Variants in FANCL observed in about 807,000 individuals in gnomAD.
FANCL encodes FA complementation group L, also known as E3 ubiquitin-protein ligase FANCL.
FANCL carries 69 observed loss-of-function variants against 59.4 expected under a neutral mutation model. The ratio of observed to expected loss-of-function variants is 1.16; its 90% CI spans 0.96 to 1.42. The LOEUF (loss-of-function observed/expected upper bound fraction) is 1.42. FANCL is among the 40% of genes most tolerant of loss of function. The pLI is 0.00. For synonymous variants in FANCL, 180 were observed against 147.1 expected (o/e 1.22, Z -1.62); for missense variants, 519 against 447.2 (o/e 1.16, Z -1.45).
chr2:58,240,656 T>A (rs1028741532), intron 1 of FANCL, among the ~76,000 whole-genome samples: 1 of 152,228 alleles, frequency 6.6e-6, no homozygotes, highest in African/African-American at 2.4e-5. Flanking sequence ...AAACTCCATA[T>A]GAGAGGCCAC....
At chr2:58,169,753 G>C (rs971951974) in intron 7 of FANCL, among the ~76,000 whole-genome samples, 1 of 151,904 alleles carries the variant, frequency 6.6e-6, no homozygotes, top group African/African-American at 2.4e-5. Flanking sequence ...ACTTTGTGAA[G>C]CATACACAAG....
intron 5 of FANCL, among the ~76,000 whole-genome samples, chr2:58,205,418 T>C (rs967874041): frequency 5.9e-5 from 9 of 152,094 alleles, no homozygotes; most frequent in African/African-American, 2.2e-4. Flanking sequence ...ATATTTTCTT[T>C]CAGCTATATC....
Position 58,232,115 on chromosome 2 carries a change from G to A in FANCL, c.97-3C>T, listed in dbSNP as rs1170038195. 1.9e-6 allele frequency: 3 copies of A among 1,612,060 alleles called. No homozygotes were observed. Among genetic ancestry groups the A allele is most frequent in the Admixed American group, 1.7e-5 (1 of 59,992 alleles). On this transcript the variant is annotated splice_polypyrimidine_tract_variant and splice_region_variant and intron_variant, in intron 1 of 13. Coordinates refer to ENST00000233741, the MANE Select transcript of FANCL (RefSeq NM_018062.4). ...ATCCTAAGGTGGAAGTCTCTTCCCTGTGGAAAATATTGAAAAGGATCACTC... is the reference window on the plus strand; with the variant it reads ...ATCCTAAGGTGGAAGTCTCTTCCCTATGGAAAATATTGAAAAGGATCACTC...
At chr2:58,169,439 C>T (rs1328769216) in intron 7 of FANCL, among the ~76,000 whole-genome samples, 1 of 152,078 alleles carries the variant, frequency 6.6e-6, no homozygotes, top group Non-Finnish European at 1.5e-5. Flanking sequence ...AAATCCACGA[C>T]GATGAGGAAA....
At chr2:58,232,739 GAAGA>G (rs1310123545) in intron 1 of FANCL, among the ~76,000 whole-genome samples, 2 of 151,918 alleles carry the variant, frequency 1.3e-5, no homozygotes, top group African/African-American at 4.8e-5. Flanking sequence ...CTTTCTAAGA[GAAGA>G]AAGACCTCTG....
chr2:58,162,994 C>A (rs1307367904), intron 10 of FANCL, 35 bp downstream of exon 10: 4 of 1,612,010 alleles, frequency 2.5e-6, no homozygotes, highest in Non-Finnish European at 3.4e-6. Flanking sequence ...TGTAAAATCA[C>A]CAAAAAGTAA....
intron 5 of FANCL, among the ~76,000 whole-genome samples, chr2:58,211,920 G>C (rs376043580): frequency 6.6e-6 from 1 of 152,142 alleles, no homozygotes. Flanking sequence ...CTAGTCTCTA[G>C]GAAGTTCCAA....
intron 5 of FANCL, among the ~76,000 whole-genome samples, chr2:58,212,788 G>T (rs1573734319): frequency 6.6e-6 from 1 of 151,982 alleles, no homozygotes; most frequent in East Asian, 1.9e-4. Flanking sequence ...CCATCTTCAC[G>T]TTAACCTTTG....
intron 4 of FANCL, among the ~76,000 whole-genome samples, chr2:58,222,785 C>G (rs1044839846): frequency 6.6e-6 from 1 of 151,966 alleles, no homozygotes; most frequent in Non-Finnish European, 1.5e-5. Context: ...AAAAATAAAT[C>G]TATCTACAAA....
At chr2:58,237,918 C>T (rs1448532541) in intron 1 of FANCL, among the ~76,000 whole-genome samples, 1 of 152,142 alleles carries the variant, frequency 6.6e-6, no homozygotes, top group Non-Finnish European at 1.5e-5. Flanking sequence ...ATCATACACT[C>T]AGGAGAAGCT....
intron 5 of FANCL, among the ~76,000 whole-genome samples, chr2:58,212,513 C>T (rs1013131233): frequency 6.6e-6 from 1 of 152,238 alleles, no homozygotes; most frequent in Middle Eastern, 3.4e-3. Flanking sequence ...AAACAAAAAG[C>T]ATAAATTAGG....
At chr2:58,238,792 C>T (rs34556232) in intron 1 of FANCL, among the ~76,000 whole-genome samples, 11,670 of 152,060 alleles carry the variant, frequency 0.077, 585 homozygotes, top group East Asian at 0.2. Context: ...TATTAAGGTG[C>T]ATAGTAAATT....
chr2:58,201,345 C>A (rs955274953), intron 6 of FANCL, among the ~76,000 whole-genome samples: 4 of 151,522 alleles, frequency 2.6e-5, no homozygotes, highest in African/African-American at 7.3e-5. Flanking sequence ...TTCTCCAAAT[C>A]TCATTTGCAG....
chr2:58,202,301 GATT>G (rs1223848350), intron 6 of FANCL, among the ~76,000 whole-genome samples: 1 of 143,796 alleles, frequency 7.0e-6, no homozygotes, highest in East Asian at 2.1e-4. Flanking sequence ...TTTCCCCAGT[GATT>G]ACTAGGTAAA....
intron 7 of FANCL, among the ~76,000 whole-genome samples, chr2:58,177,936 C>T (rs1310818511): frequency 9.2e-5 from 14 of 151,924 alleles, no homozygotes; most frequent in Non-Finnish European, 2.1e-4. Flanking sequence ...GAAATACAAA[C>T]TACTATCACA....
chr2:58,189,278 G>A (rs1020184295), intron 7 of FANCL, among the ~76,000 whole-genome samples: 25 of 152,170 alleles, frequency 1.6e-4, no homozygotes, highest in African/African-American at 5.8e-4. Context: ...TCTCAATAAA[G>A]CTATTTAAAA....
chr2:58,216,092 C>T (rs938265137), intron 5 of FANCL, among the ~76,000 whole-genome samples: 1 of 152,074 alleles, frequency 6.6e-6, no homozygotes, highest in Admixed American at 6.5e-5. Flanking sequence ...ATTGAGAGGT[C>T]TTGTGGAGAC....
chr2:58,212,225 C>G (rs566031779), intron 5 of FANCL, among the ~76,000 whole-genome samples: 1 of 152,316 alleles, frequency 6.6e-6, no homozygotes, highest in South Asian at 2.1e-4. Flanking sequence ...TGGATGGCAG[C>G]AGGCAAAGAG....
chr2:58,241,326 G>A (rs757714548), upstream of FANCL: 14 of 1,613,430 alleles, frequency 8.7e-6, no homozygotes, highest in Non-Finnish European at 1.1e-5. Context: ...CTCGAAGTCC[G>A]GAGAAACACA....
Sources: allele counts gnomAD v4.1 joint callset (sites outside exome capture counted in the v4.1 genomes callset), GRCh38; gene constraint gnomAD v4.1.1; transcripts MANE v1.5; gene names NCBI Gene and HGNC (gene_info 2026-07-23, HGNC 2026-07-21).